Variants in RNF216 observed in about 807,000 individuals in gnomAD.
RNF216 encodes the protein ring finger protein 216, also known as E3 ubiquitin-protein ligase RNF216.
RNF216 carries 72 observed loss-of-function variants against 110.8 expected under a neutral mutation model. The ratio of observed to expected loss-of-function variants is 0.65; its 90% CI spans 0.54 to 0.79. The LOEUF (loss-of-function observed/expected upper bound fraction) is 0.79, where lower values mean the gene tolerates loss of function less well. Among genes scored for constraint, RNF216 ranks in the 30% least tolerant of loss-of-function variants. The probability of loss-of-function intolerance (pLI) is 0.00; values close to 1 mark genes in which losing one functional copy is unlikely to be tolerated. For synonymous variants in RNF216, 495 were observed against 407.5 expected (o/e 1.21, Z -2.59); for missense variants, 1,342 against 1,141.2 (o/e 1.18, Z -2.54).
chr7:5,754,805 A>G (rs910980690), intron 2 of RNF216, among the ~76,000 whole-genome samples: 2 of 152,272 alleles, frequency 1.3e-5, no homozygotes, highest in Middle Eastern at 3.4e-3. Flanking sequence ...AGACAGGCAG[A>G]TCACTTGAGG....
intron 13 of RNF216, among the ~76,000 whole-genome samples, chr7:5,704,151 T>C (rs1353497106): frequency 6.6e-6 from 1 of 152,210 alleles, no homozygotes; most frequent in Non-Finnish European, 1.5e-5. Context: ...TACAGTGTCT[T>C]ATTCTTCAGG....
chr7:5,664,652 C>T (rs919850187), intron 13 of RNF216, among the ~76,000 whole-genome samples: 1 of 152,184 alleles, frequency 6.6e-6, no homozygotes, highest in Admixed American at 6.5e-5. Flanking sequence ...CTCTCCCCAA[C>T]ACCCCCAGGG....
chr7:5,725,707 G>A (rs1325820132), intron 7 of RNF216, among the ~76,000 whole-genome samples: 5 of 152,032 alleles, frequency 3.3e-5, no homozygotes, highest in African/African-American at 4.8e-5. Flanking sequence ...AAAATTAGCC[G>A]GGCATGGTGG....
intron 13 of RNF216, among the ~76,000 whole-genome samples, chr7:5,660,949 T>TTTTG (rs1562799971): frequency 2.9e-5 from 4 of 137,582 alleles, no homozygotes; most frequent in Admixed American, 2.8e-4. Context: ...TTAGGTTTTT[T>TTTTG]TTTTTTTTTT....
intron 1 of RNF216, among the ~76,000 whole-genome samples, chr7:5,767,824 C>A (rs143167536): frequency 1.2e-3 from 186 of 152,158 alleles, no homozygotes; most frequent in African/African-American, 4.2e-3. Context: ...GTCTCGAATT[C>A]CTGACCTCAG....
chr7:5,759,882 C>T (rs1431308244), intron 2 of RNF216, among the ~76,000 whole-genome samples: 3 of 152,038 alleles, frequency 2.0e-5, no homozygotes, highest in Non-Finnish European at 2.9e-5. Context: ...CCACCCGCCT[C>T]GGTCTCCCAA....
rs773715901 is a variant in RNF216 at position 5,716,777 on chromosome 7, A to G, written c.1645-11T>C. 3 of 1,602,716 alleles carry G rather than the reference A, an allele frequency of 1.9e-6. No homozygotes were observed. In the Admixed American group the frequency reaches 5.1e-5, roughly 27 times the overall value. On this transcript the variant is annotated splice_polypyrimidine_tract_variant and intron_variant, in intron 9 of 16. Coordinates refer to ENST00000389902, the MANE Select transcript of RNF216 (RefSeq NM_207111.4). ...CAAAAAGTCTTCATGCTGAAGAACA[A>G]AAAAGGCACACATTCAGACACAAAT... is the stretch of plus-strand genomic sequence containing the variant.
At chr7:5,689,517 C>T (rs1020755530) in intron 13 of RNF216, among the ~76,000 whole-genome samples, 1 of 151,672 alleles carries the variant, frequency 6.6e-6, no homozygotes, top group African/African-American at 2.4e-5. Flanking sequence ...AAACAAAAAA[C>T]AAAAAACCCT....
At position 5,752,970 on chromosome 7, in the gene RNF216, T is replaced by A; in HGVS notation, c.77A>T (p.Asn26Ile). The A allele has an allele frequency of 6.2e-7, 1 of 1,611,076 alleles. No individual in the cohort carries two copies. The highest frequency in any genetic ancestry group is 8.5e-7 in the Non-Finnish European group (1 of 1,178,770). The change falls in exon 3 of 17, where the codon AAT (asparagine) becomes ATT (isoleucine). Residue 26 changes from asparagine (N) to isoleucine (I), a missense_variant. Physicochemically the swap from Asn to Ile is moderately radical, Grantham distance 149. Coordinates refer to ENST00000389902, the MANE Select transcript of RNF216 (RefSeq NM_207111.4). ...TATGGTGATGGGCCCATCTCGGAGA[T>A]TGATCCACTCTACAGGAAAGCAGAG... is the stretch of plus-strand genomic sequence containing the variant. Reference protein sequence around the residue: ...FHCHRGQEWINLRDGPITISD... With the variant: ...FHCHRGQEWIILRDGPITISD...
chr7:5,716,473 GATGA>G (rs1793072536), intron 10 of RNF216, among the ~76,000 whole-genome samples: 1 of 151,998 alleles, frequency 6.6e-6, no homozygotes, highest in Non-Finnish European at 1.5e-5. Flanking sequence ...GAGTGTATCT[GATGA>G]ATGTCAGGTA....
chr7:5,622,292 A>AG lies in RNF216; in HGVS notation c.*567dup, dbSNP rs1407469977. On this transcript the variant is annotated 3_prime_UTR_variant, in exon 17 of 17. Transcript: ENST00000389902. ...GCTGCCTCATCTGAGTAGGTGTAAGAGGGGAGGAGAGGTGCCCTCAACACT... is the reference window on the plus strand; with the variant it reads ...GCTGCCTCATCTGAGTAGGTGTAAGAGGGGGAGGAGAGGTGCCCTCAACACT... 6.5e-6 allele frequency: 1 copy of AG among 152,924 alleles called. No individual in the cohort carries two copies. The highest frequency in any genetic ancestry group is 2.4e-5 in the African/African-American group (1 of 41,464). The allele number at this position is 152,924 out of a possible 1,614,324, so 9.5% of individuals were successfully genotyped here.
rs1309769537 is a variant in RNF216 at position 5,620,273 on chromosome 7, C to A, written c.*2587G>T. ...AAGTGCAAATACTAGATTCCTCTCT[C>A]CAGTTTTAAGGCAAGTAAGAGGGGG... is the stretch of plus-strand genomic sequence containing the variant. On this transcript the variant is annotated 3_prime_UTR_variant, in exon 17 of 17. Transcript: ENST00000389902. 3 of 152,214 alleles carry A rather than the reference C, an allele frequency of 2.0e-5. No homozygotes were observed. Among genetic ancestry groups the A allele is most frequent in the African/African-American group, 7.2e-5 (3 of 41,446 alleles). The allele number at this position is 152,214 out of a possible 1,614,324, so 9.4% of individuals were successfully genotyped here.
Position 5,741,364 on chromosome 7 carries a change from A to G in RNF216, c.653T>C (p.Leu218Pro), listed in dbSNP as rs1794746288. The change falls in exon 4 of 17, where the codon CTA becomes CCA. Residue 218 changes from leucine (L) to proline (P), a missense_variant. Coordinates refer to ENST00000389902, the MANE Select transcript of RNF216 (RefSeq NM_207111.4). ...TTCTTCGATGGCCTGATCATCTGCTAGAGCAGCTGACTCTCCTAGATTTGA... is the reference window on the plus strand; with the variant it reads ...TTCTTCGATGGCCTGATCATCTGCTGGAGCAGCTGACTCTCCTAGATTTGA... ...LLSNLGESAA[L>P]ADDQAIEEDC... 1 of 1,614,188 alleles carries G rather than the reference A, an allele frequency of 6.2e-7. No homozygotes were observed. The highest frequency in any genetic ancestry group is 8.5e-7 in the Non-Finnish European group (1 of 1,180,016).
intron 5 of RNF216, among the ~76,000 whole-genome samples, chr7:5,736,554 G>C (rs1012445721): frequency 6.6e-6 from 1 of 152,150 alleles, no homozygotes; most frequent in African/African-American, 2.4e-5. Flanking sequence ...CGTCTGGGAA[G>C]TGAGGAGCGT....
intron 5 of RNF216, among the ~76,000 whole-genome samples, chr7:5,737,283 C>T (rs1345884026): frequency 6.6e-6 from 1 of 152,066 alleles, no homozygotes. Flanking sequence ...GGAATAAGGG[C>T]GGTGCAAGAT....
At chr7:5,769,479 T>C (rs1051445020) in intron 1 of RNF216, among the ~76,000 whole-genome samples, 1 of 151,658 alleles carries the variant, frequency 6.6e-6, no homozygotes, top group African/African-American at 2.4e-5. Context: ...TCCCAGCACT[T>C]TGGGAGTCTG....
intron 1 of RNF216, among the ~76,000 whole-genome samples, chr7:5,767,781 T>G (rs1016068812): frequency 1.3e-5 from 2 of 152,108 alleles, no homozygotes; most frequent in Non-Finnish European, 2.9e-5. Flanking sequence ...GTATTTTTAG[T>G]AAAGAGGAGA....
At chr7:5,650,493 T>C (rs919196351) in intron 14 of RNF216, among the ~76,000 whole-genome samples, 2 of 152,176 alleles carry the variant, frequency 1.3e-5, no homozygotes, top group African/African-American at 2.4e-5. Context: ...CATTCCCTCC[T>C]GGAGGCCTGA....
chr7:5,644,430 A>G (rs569563251), intron 14 of RNF216, among the ~76,000 whole-genome samples: 3 of 152,304 alleles, frequency 2.0e-5, no homozygotes, highest in South Asian at 2.1e-4. Context: ...TGTAATGACT[A>G]ATGACGTTCA....
Sources: allele counts gnomAD v4.1 joint callset (sites outside exome capture counted in the v4.1 genomes callset), GRCh38; gene constraint gnomAD v4.1.1; transcripts MANE v1.5; gene names NCBI Gene and HGNC (gene_info 2026-07-23, HGNC 2026-07-21).